Variants in SEC24B observed in about 807,000 individuals in gnomAD.
SEC24B encodes protein transport protein Sec24B.
A neutral mutation model predicts 142.8 loss-of-function variants in SEC24B; 45 were observed. The ratio of observed to expected loss-of-function variants is 0.32; its 90% CI spans 0.25 to 0.40. The LOEUF is 0.40. Ranked by LOEUF, SEC24B falls within the 10% of genes least tolerant of loss-of-function variation. The pLI, the probability that SEC24B is intolerant of heterozygous loss-of-function variation, is 1.00. For synonymous variants in SEC24B, 574 were observed against 568.2 expected (o/e 1.01, Z -0.15); for missense variants, 1,409 against 1,526.8 (o/e 0.92, Z 1.29).
intron 1 of SEC24B, among the ~76,000 whole-genome samples, chr4:109,449,919 T>A (rs1729887537): frequency 6.6e-6 from 1 of 152,144 alleles, no homozygotes; most frequent in African/African-American, 2.4e-5. Context: ...CAGCCTACTT[T>A]GAAAAGAAAG....
intron 1 of SEC24B, chr4:109,449,414 T>TTTTG: frequency 2.2e-5 from 8 of 359,788 alleles, no homozygotes; most frequent in South Asian, 4.1e-5. Flanking sequence ...TTTTTTTTTG[T>TTTTG]AGAGACGGGA....
chr4:109,497,460 AAAAAGTAACCTGGGTTAT>A (rs1029082781), intron 6 of SEC24B, among the ~76,000 whole-genome samples: 1 of 152,210 alleles, frequency 6.6e-6, no homozygotes, highest in African/African-American at 2.4e-5. Flanking sequence ...AAGATATACT[AAAAAGTAACCTGGGTTAT>A]TAATCACACT....
At chr4:109,534,289 T>A (rs1424616122) in intron 22 of SEC24B, among the ~76,000 whole-genome samples, 2 of 151,664 alleles carry the variant, frequency 1.3e-5, no homozygotes, top group East Asian at 3.9e-4. Flanking sequence ...GTTTTTTTTT[T>A]TATACTATTA....
At chr4:109,506,575 A>G in intron 7 of SEC24B, 63 bp downstream of exon 7, 1 of 1,124,680 alleles carries the variant, frequency 8.9e-7, no homozygotes, top group African/African-American at 1.6e-5. Flanking sequence ...ACTTTCAAAA[A>G]TAGTAAAAGT....
intron 3 of SEC24B, among the ~76,000 whole-genome samples, chr4:109,475,911 T>C (rs1412455238): frequency 6.6e-6 from 1 of 152,172 alleles, no homozygotes; most frequent in African/African-American, 2.4e-5. Flanking sequence ...ATTTGTTTTA[T>C]TATCTATGAC....
At chr4:109,438,236 A>G (rs886316303) in intron 1 of SEC24B, among the ~76,000 whole-genome samples, 2 of 152,246 alleles carry the variant, frequency 1.3e-5, no homozygotes, top group Non-Finnish European at 2.9e-5. Context: ...TTCATTAGAC[A>G]TGTATTAAAT....
rs1578942046 is a variant in SEC24B at position 109,511,034 on chromosome 4, C to G, written c.1776+923C>G. On this transcript the variant is annotated intron_variant, in intron 8 of 23. Coordinates refer to ENST00000265175, the MANE Select transcript of SEC24B (RefSeq NM_006323.5). ...ATGTGATAAGTACCGTGAATTTATT[C>G]ATTGGGTAAATATTTTTAATCACCT... 2.6e-5 allele frequency among the ~76,000 whole-genome samples: 4 copies of G among 151,952 alleles called. No homozygotes were observed. The East Asian group carries it at 7.7e-4, about 29-fold the overall frequency.
intron 3 of SEC24B, among the ~76,000 whole-genome samples, chr4:109,476,542 A>G (rs1044576432): frequency 2.4e-5 from 3 of 125,234 alleles, no homozygotes; most frequent in African/African-American, 1.2e-4. Context: ...GTTCACATAA[A>G]GTAGATTAGA....
chr4:109,439,895 C>T (rs866626744), intron 1 of SEC24B, among the ~76,000 whole-genome samples: 40 of 150,900 alleles, frequency 2.7e-4, no homozygotes, highest in African/African-American at 8.5e-4. Context: ...CTGAGGCGGG[C>T]GGATCACTTG....
At chr4:109,447,068 A>T (rs889100949) in intron 1 of SEC24B, among the ~76,000 whole-genome samples, 3 of 152,030 alleles carry the variant, frequency 2.0e-5, no homozygotes, top group African/African-American at 7.2e-5. Flanking sequence ...GGATTAGAGA[A>T]TGTTTTCCTA....
intron 8 of SEC24B, 76 bp downstream of exon 8, chr4:109,510,187 C>A: frequency 1.5e-6 from 1 of 682,672 alleles, no homozygotes; most frequent in Non-Finnish European, 2.3e-6. Flanking sequence ...TTTATATTTT[C>A]TTAGAATTTT....
chr4:109,507,042 A>G (rs1388887055), intron 7 of SEC24B, among the ~76,000 whole-genome samples: 1 of 152,076 alleles, frequency 6.6e-6, no homozygotes, highest in East Asian at 1.9e-4. Flanking sequence ...AGAGAAGTTT[A>G]GCTGGCAGAC....
rs1228588989 is a variant in SEC24B at position 109,532,679 on chromosome 4, C to T, written c.3431C>T (p.Pro1144Leu). The change falls in exon 21 of 24, where the codon CCT becomes CTT. Residue 1144 changes from proline to leucine, a missense_variant. By Grantham distance (98) the Pro-to-Leu change is moderately conservative. Around this residue, in one of 2 missense-constraint regions of SEC24B, gnomAD observed 700 missense variants for 853.3 expected, o/e 0.82. Transcript: ENST00000265175. ...AATGACAGGATTGTACCACAGCCAC[C>T]TCTTCAAAAATTGTCTGCAGAGAAG... ...HVNDRIVPQPPLQKLSAEKLT... is the reference protein window; with the variant it reads ...HVNDRIVPQPLLQKLSAEKLT... 4.5e-5 allele frequency: 72 copies of T among 1,613,564 alleles called. No homozygotes were observed. The highest frequency in any genetic ancestry group is 5.8e-5 in the Non-Finnish European group (68 of 1,179,636).
intron 6 of SEC24B, among the ~76,000 whole-genome samples, chr4:109,497,539 A>G (rs1735656909): frequency 6.7e-6 from 1 of 148,932 alleles, no homozygotes; most frequent in Non-Finnish European, 1.5e-5. Context: ...ATTAGAAAGC[A>G]ACCATTCCCA....
intron 22 of SEC24B, among the ~76,000 whole-genome samples, 169 bp downstream of exon 22, chr4:109,533,854 C>G (rs1055905078): frequency 3.9e-5 from 6 of 152,150 alleles, no homozygotes; most frequent in Admixed American, 1.3e-4. Flanking sequence ...TCTTATCACC[C>G]TAAAAGAACC....
intron 1 of SEC24B, among the ~76,000 whole-genome samples, chr4:109,446,736 T>C (rs1021485390): frequency 1.3e-5 from 2 of 152,266 alleles, no homozygotes; most frequent in African/African-American, 4.8e-5. Context: ...TTTTACATAG[T>C]GAAAGCTTTT....
Position 109,463,052 on chromosome 4 carries a change from T to C in SEC24B, c.285T>C (p.Tyr95=). Residue 95 remains tyrosine, a synonymous_variant, in exon 2 of 24, where the codon TAT becomes TAC. Coordinates refer to ENST00000265175, the MANE Select transcript of SEC24B (RefSeq NM_006323.5). ...GTGGTGATTACTACTCTGCTCTCTA[T>C]ACAGTACCAACACAAAATGTGACTC... The part of the protein sequence containing the change: ...TQCGDYYSAL[Y]TVPTQNVTPN... 1 of 1,614,162 alleles carries C rather than the reference T, an allele frequency of 6.2e-7. No homozygotes were observed.
intron 19 of SEC24B, 117 bp downstream of exon 19, chr4:109,530,581 G>A: frequency 5.9e-6 from 5 of 849,276 alleles, no homozygotes; most frequent in Non-Finnish European, 8.9e-6. Flanking sequence ...ATTCACTTTA[G>A]CATTGAAAGA....
chr4:109,466,625 T>C (rs1002606967), intron 2 of SEC24B, among the ~76,000 whole-genome samples: 4 of 152,206 alleles, frequency 2.6e-5, no homozygotes, highest in Non-Finnish European at 4.4e-5. Flanking sequence ...TTGGCCAGGA[T>C]GGTCTTGATC....
Sources: allele counts gnomAD v4.1 joint callset (sites outside exome capture counted in the v4.1 genomes callset), GRCh38; gene constraint gnomAD v4.1.1; regional missense constraint gnomAD v4.1.1; transcripts MANE v1.5; gene names NCBI Gene and HGNC (gene_info 2026-07-23, HGNC 2026-07-21).